The following BIRC6 variants were observed in gnomAD, a reference collection of about 807,000 sequenced individuals.
The protein encoded by BIRC6 is baculoviral IAP repeat containing 6.
Under a neutral mutation model 503.3 loss-of-function variants are expected in BIRC6, and 98 were observed. The ratio of observed to expected loss-of-function variants is 0.19; its 90% CI spans 0.17 to 0.23. The LOEUF (loss-of-function observed/expected upper bound fraction) is 0.23, where lower values mean the gene tolerates loss of function less well. Among genes scored for constraint, BIRC6 ranks in the 10% least tolerant of loss-of-function variants. The probability of loss-of-function intolerance (pLI) is 1.00; values close to 1 mark genes in which losing one functional copy is unlikely to be tolerated. For synonymous variants in BIRC6, 2,240 were observed against 2,078.7 expected (o/e 1.08, Z -2.11); for missense variants, 5,360 against 5,806.0 (o/e 0.92, Z 2.50).
chr2:32,411,618 C>T (rs2041896181), intron 9 of BIRC6, among the ~76,000 whole-genome samples: 1 of 151,648 alleles, frequency 6.6e-6, no homozygotes, highest in Admixed American at 6.6e-5. Flanking sequence ...AGTGGGACTA[C>T]AGGCATGTAC....
intron 1 of BIRC6, among the ~76,000 whole-genome samples, chr2:32,372,820 AC>A (rs2036173641): frequency 6.6e-6 from 1 of 152,050 alleles, no homozygotes. Context: ...ACATAGTGAG[AC>A]CTTGTCTCAA....
chr2:32,441,341 A>G lies in BIRC6; in HGVS notation c.3823A>G (p.Asn1275Asp). Residue 1275 changes from asparagine (N) to aspartate (D), a missense_variant, in exon 17 of 74, where the codon AAT becomes GAT. Physicochemically the swap from Asn to Asp is conservative, Grantham distance 23 (BLOSUM62 1). Transcript: ENST00000421745. ...TTGTAATGTTTAGGAAAAATCATCT[A>G]ATGTTAAGAATGAAAATACAAGTGG... The part of the protein sequence containing the change: ...KVAAGKEKSS[N>D]VKNENTSGTR... The G allele has an allele frequency of 6.4e-7, 1 of 1,573,480 alleles. No homozygotes were observed. The highest frequency in any genetic ancestry group is 2.2e-5 in the East Asian group (1 of 44,566).
At chr2:32,402,699 T>A (rs1376443614) in intron 8 of BIRC6, among the ~76,000 whole-genome samples, 3 of 152,212 alleles carry the variant, frequency 2.0e-5, no homozygotes, top group Non-Finnish European at 4.4e-5. Context: ...TCTGAGTTTC[T>A]GACCATATTT....
At chr2:32,417,633 G>A (rs755030740) in intron 10 of BIRC6, among the ~76,000 whole-genome samples, 1 of 152,098 alleles carries the variant, frequency 6.6e-6, no homozygotes, top group Non-Finnish European at 1.5e-5. Context: ...GCAGAGTTAC[G>A]CATGCATCTC....
chr2:32,468,031 A>G lies in BIRC6; in HGVS notation c.5700A>G (p.Gly1900=), dbSNP rs149537089. The change falls in exon 28 of 74, where the codon GGA becomes GGG. Residue 1900 remains glycine (G), a synonymous_variant. Transcript: ENST00000421745. ...ELKLMHDPLK[G]EGESANQPEI... is the part of the protein sequence containing the mutation. ...AGTTAATGCATGATCCTCTAAAGGG[A>G]GAGGGAGAATCTGCAAACCAGCCAG... 1.8e-5 allele frequency: 29 copies of G among 1,613,772 alleles called. No individual in the cohort carries two copies. In the African/African-American group the frequency reaches 3.6e-4, roughly 20 times the overall value.
chr2:32,518,172 T>A (rs2055265514), intron 55 of BIRC6, 82 bp from the exon 56 acceptor site: 1 of 1,314,492 alleles, frequency 7.6e-7, no homozygotes, highest in Admixed American at 2.3e-5. Context: ...TTATTCATAT[T>A]TTCTGTTTCC....
chr2:32,556,145 G>A (rs1572986543), intron 65 of BIRC6, among the ~76,000 whole-genome samples: 1 of 152,258 alleles, frequency 6.6e-6, no homozygotes, highest in African/African-American at 2.4e-5. Flanking sequence ...ATCAACAAAT[G>A]TTAATTCCTT....
intron 22 of BIRC6, among the ~76,000 whole-genome samples, chr2:32,449,358 T>C (rs956280413): frequency 6.6e-6 from 1 of 152,206 alleles, no homozygotes; most frequent in Non-Finnish European, 1.5e-5. Flanking sequence ...AAAAGATAAT[T>C]TTCTGCATCT....
intron 1 of BIRC6, 113 bp from the exon 2 acceptor site, chr2:32,377,473 CAG>C: frequency 5.1e-6 from 4 of 778,358 alleles, no homozygotes; most frequent in Non-Finnish European, 7.2e-6. Flanking sequence ...AAGTTTTTTC[CAG>C]TTTAAGATCC....
At chr2:32,518,205 G>A (rs747203040) in intron 55 of BIRC6, 49 bp from the exon 56 acceptor site, 3 of 1,509,898 alleles carry the variant, frequency 2.0e-6, no homozygotes, top group South Asian at 2.4e-5. Flanking sequence ...AAAATAAAAA[G>A]CTGCATATAA....
Position 32,430,983 on chromosome 2 carries a change from A to G in BIRC6, c.3141A>G (p.Val1047=). Residue 1047 remains valine (V), a synonymous_variant, in exon 12 of 74, where the codon GTA becomes GTG. Transcript: ENST00000421745. ...RFSATVPPCW[V]EVQQEQQQRR... ...CAGCGACTGTTCCTCCATGCTGGGT[A>G]GAAGTTCAACAAGAACAGCAGCAAA... The G allele has an allele frequency of 1.9e-6, 3 of 1,613,406 alleles. No individual in the cohort carries two copies. The highest frequency in any genetic ancestry group is 2.5e-6 in the Non-Finnish European group (3 of 1,179,742).
chr2:32,423,459 C>G (rs1194005475), intron 10 of BIRC6, among the ~76,000 whole-genome samples: 1 of 152,158 alleles, frequency 6.6e-6, no homozygotes. Flanking sequence ...CAGTAACTTC[C>G]CATTCATTCT....
intron 37 of BIRC6, among the ~76,000 whole-genome samples, chr2:32,480,643 T>G: frequency 1.1e-5 from 1 of 89,206 alleles, no homozygotes; most frequent in Non-Finnish European, 2.3e-5. Flanking sequence ...TTTTTTTTTT[T>G]TTTTTTTTTT....
intron 2 of BIRC6, chr2:32,379,545 T>C (rs2037326535): frequency 1.3e-5 from 2 of 152,202 alleles, no homozygotes. Flanking sequence ...CAGCTGTAAC[T>C]GTTGTTCAGA....
intron 2 of BIRC6, chr2:32,379,316 C>G (rs1054346757): frequency 1.6e-4 from 25 of 152,162 alleles, no homozygotes; most frequent in African/African-American, 5.8e-4. Context: ...GAATATAAAC[C>G]AGCTGATATC....
At chr2:32,418,408 TA>T (rs1271363679) in intron 10 of BIRC6, among the ~76,000 whole-genome samples, 4 of 152,226 alleles carry the variant, frequency 2.6e-5, no homozygotes, top group African/African-American at 9.6e-5. Flanking sequence ...AGTAACTTAT[TA>T]AGTAATAGAG....
chr2:32,393,066 A>G (rs2039452281), intron 5 of BIRC6, among the ~76,000 whole-genome samples: 1 of 152,058 alleles, frequency 6.6e-6, no homozygotes, highest in African/African-American at 2.4e-5. Flanking sequence ...GTAGATGCTT[A>G]GGGTAATGCA....
intron 5 of BIRC6, 52 bp from the exon 6 acceptor site, chr2:32,395,459 C>G: frequency 7.6e-7 from 1 of 1,307,756 alleles, no homozygotes; most frequent in Non-Finnish European, 1.1e-6. Flanking sequence ...TATTATAAAG[C>G]TATTTTAATA....
At chr2:32,447,730 G>A (rs1311060380) in intron 21 of BIRC6, among the ~76,000 whole-genome samples, 3 of 59,268 alleles carry the variant, frequency 5.1e-5, no homozygotes, top group African/African-American at 2.3e-4. Flanking sequence ...CCTCCTGGTC[G>A]GGGCGACTGG....
Sources: gnomAD v4.1 joint callset for allele counts (sites outside exome capture counted in the v4.1 genomes callset) on GRCh38, gnomAD v4.1.1 for gene constraint, MANE v1.5 for transcripts, NCBI Gene and HGNC (gene_info 2026-07-23, HGNC 2026-07-21) for gene names.